Variants in RNF216 observed in about 807,000 individuals in gnomAD.
RNF216 encodes ring finger protein 216.
In RNF216, 72 loss-of-function variants were observed where a neutral mutation model predicts 110.8. The observed-to-expected ratio is 0.65, with a 90% CI of 0.54 to 0.79. The LOEUF (loss-of-function observed/expected upper bound fraction) is 0.79. Among genes scored for constraint, RNF216 ranks in the 30% least tolerant of loss-of-function variants. The pLI is 0.00. For synonymous variants in RNF216, 495 were observed against 407.5 expected, an observed-to-expected ratio of 1.21 and a Z score of -2.59; for missense variants, 1,342 against 1,141.2, an observed-to-expected ratio of 1.18 and a Z score of -2.54.
intron 5 of RNF216, among the ~76,000 whole-genome samples, chr7:5,732,377 G>T (rs189638370): frequency 2.0e-5 from 3 of 152,190 alleles, no homozygotes; most frequent in Non-Finnish European, 2.9e-5. Flanking sequence ...GTTTTTACGT[G>T]TTTTCTCAAG....
intron 13 of RNF216, among the ~76,000 whole-genome samples, chr7:5,709,582 T>C (rs904507641): frequency 1.3e-5 from 2 of 152,174 alleles, no homozygotes; most frequent in African/African-American, 4.8e-5. Context: ...AGAAGCTACA[T>C]GGCTACCTTC....
rs759912950 is a variant in RNF216, at chr7:5,744,908, G to T, written c.202-3093C>A. ...AATCACTTGAACCTGGGAGGCAGAG[G>T]TTGCAGTGAGCCAAGATCGCGCCAT... On this transcript the variant is annotated intron_variant, in intron 3 of 16. Transcript: ENST00000389902. 3.2e-4 allele frequency among the ~76,000 whole-genome samples: 48 copies of T among 151,846 alleles called. 1 individual carries two copies. The highest frequency in any genetic ancestry group is 7.9e-4 in the Admixed American group (12 of 15,218).
intron 1 of RNF216, among the ~76,000 whole-genome samples, chr7:5,762,616 C>T (rs1484542032): frequency 1.3e-5 from 2 of 151,566 alleles, no homozygotes; most frequent in Admixed American, 6.6e-5. Context: ...GGCATGAACC[C>T]GGGAGGCAGA....
At chr7:5,653,048 C>T (rs142213627) in intron 13 of RNF216, among the ~76,000 whole-genome samples, 209 of 152,208 alleles carry the variant, frequency 1.4e-3, no homozygotes, top group African/African-American at 4.6e-3. Context: ...TCTGCAAAAT[C>T]CCTGTGCCCA....
chr7:5,772,014 A>T (rs10277535), intron 1 of RNF216, among the ~76,000 whole-genome samples: 59,958 of 152,096 alleles, frequency 0.39, 12,632 homozygotes, highest in Admixed American at 0.49. Context: ...CGGGTGGATC[A>T]CCTGAGCTCA....
intron 15 of RNF216, among the ~76,000 whole-genome samples, chr7:5,640,051 G>A (rs1014239708): frequency 7.3e-5 from 11 of 150,902 alleles, no homozygotes; most frequent in South Asian, 2.1e-4. Context: ...GAGCCACCGC[G>A]CCCGGCCAAT....
chr7:5,665,633 C>T (rs558802732), intron 13 of RNF216, among the ~76,000 whole-genome samples: 4 of 151,994 alleles, frequency 2.6e-5, no homozygotes, highest in South Asian at 4.2e-4. Context: ...ACATAGCTGC[C>T]GGCTTTTTAC....
intron 13 of RNF216, among the ~76,000 whole-genome samples, chr7:5,653,522 A>T (rs557688941): frequency 7.1e-6 from 1 of 141,154 alleles, no homozygotes; most frequent in African/African-American, 2.6e-5. Flanking sequence ...AAAGGCGTGA[A>T]CCCGGGAGGC....
At chr7:5,774,385 G>C (rs1461883482) in intron 1 of RNF216, among the ~76,000 whole-genome samples, 1 of 152,196 alleles carries the variant, frequency 6.6e-6, no homozygotes, top group Non-Finnish European at 1.5e-5. Flanking sequence ...CTGCAAGTAA[G>C]CTATGATAGC....
At chr7:5,674,944 C>T (rs1790179283) in intron 13 of RNF216, among the ~76,000 whole-genome samples, 1 of 151,906 alleles carries the variant, frequency 6.6e-6, no homozygotes, top group Non-Finnish European at 1.5e-5. Flanking sequence ...TTGCAGTGAG[C>T]TGAGATCGCG....
At chr7:5,687,710 T>A (rs1791080096) in intron 13 of RNF216, among the ~76,000 whole-genome samples, 1 of 152,160 alleles carries the variant, frequency 6.6e-6, no homozygotes, top group Non-Finnish European at 1.5e-5. Context: ...ATGACAGAAA[T>A]GCCAGTGTCT....
At chr7:5,774,187 G>C (rs1463374522) in intron 1 of RNF216, among the ~76,000 whole-genome samples, 1 of 1,938 alleles carries the variant, frequency 5.2e-4, no homozygotes, top group African/African-American at 4.1e-3. Flanking sequence ...TTAAATCTTG[G>C]TTTCCCATTT....
chr7:5,702,570 C>G (rs1355728577), intron 13 of RNF216, among the ~76,000 whole-genome samples: 2 of 152,020 alleles, frequency 1.3e-5, no homozygotes, highest in Non-Finnish European at 1.5e-5. Flanking sequence ...TATTATTTTT[C>G]TTCTTCTTTA....
chr7:5,706,787 C>A (rs139972246), intron 13 of RNF216, among the ~76,000 whole-genome samples: 17 of 152,190 alleles, frequency 1.1e-4, no homozygotes, highest in Non-Finnish European at 1.5e-5. Context: ...TAGTCACTTG[C>A]CTGTTTTTTG....
At chr7:5,749,582 T>C (rs1795228327) in intron 3 of RNF216, among the ~76,000 whole-genome samples, 1 of 152,248 alleles carries the variant, frequency 6.6e-6, no homozygotes, top group Non-Finnish European at 1.5e-5. Flanking sequence ...GTCATTATAA[T>C]GAACTCTCAT....
chr7:5,772,228 C>T (rs1419639536), intron 1 of RNF216, among the ~76,000 whole-genome samples: 3 of 152,020 alleles, frequency 2.0e-5, no homozygotes, highest in Non-Finnish European at 2.9e-5. Context: ...AGTGAAACTC[C>T]GTCCCAATAA....
chr7:5,679,341 G>A lies in RNF216; in HGVS notation c.2062-26831C>T, dbSNP rs189477953. ...GTCACCATCTAGTGACATATTTTGG[G>A]CAAATCCTTCAGCCCTAGAATGGTG... On this transcript the variant is annotated intron_variant, in intron 13 of 16. Transcript: ENST00000389902. Among the ~76,000 whole-genome samples, 189 of 152,326 alleles carry A rather than the reference G, an allele frequency of 1.2e-3. 1 individual carries two copies. The highest frequency in any genetic ancestry group is 1.9e-3 in the Non-Finnish European group (130 of 68,026).
At chr7:5,665,035 T>C (rs1230239147) in intron 13 of RNF216, among the ~76,000 whole-genome samples, 1 of 152,144 alleles carries the variant, frequency 6.6e-6, no homozygotes, top group East Asian at 1.9e-4. Flanking sequence ...TGACCTCAGG[T>C]GATCTGCCCG....
intron 3 of RNF216, among the ~76,000 whole-genome samples, chr7:5,750,106 G>A (rs1402321782): frequency 6.6e-6 from 1 of 152,064 alleles, no homozygotes; most frequent in African/African-American, 2.4e-5. Context: ...TTGCATATCT[G>A]TCCTTTTAAT....
Sources: allele counts gnomAD v4.1 joint callset (sites outside exome capture counted in the v4.1 genomes callset), GRCh38; gene constraint gnomAD v4.1.1; transcripts MANE v1.5; gene names NCBI Gene and HGNC (gene_info 2026-07-23, HGNC 2026-07-21).